Variants in GCN1 observed in about 807,000 individuals in gnomAD.
GCN1 encodes the protein stalled ribosome sensor GCN1.
A neutral mutation model predicts 288.4 loss-of-function variants in GCN1; 90 were observed. The ratio of observed to expected loss-of-function variants is 0.31; its 90% confidence interval spans 0.26 to 0.37. The LOEUF (loss-of-function observed/expected upper bound fraction) is 0.37. GCN1 is among the 10% of genes least tolerant of loss of function. The pLI, the probability that GCN1 is intolerant of heterozygous loss-of-function variation, is 1.00. For missense variants in GCN1, 2,586 were observed against 3,419.9 expected (o/e 0.76, Z 6.08); for synonymous variants, 1,386 against 1,420.2 (o/e 0.98, Z 0.54).
At chr12:120,166,931 C>A (rs1878149399) in intron 16 of GCN1, among the ~76,000 whole-genome samples, 1 of 151,762 alleles carries the variant, frequency 6.6e-6, no homozygotes, top group Non-Finnish European at 1.5e-5. Flanking sequence ...GGAGGACCAC[C>A]TGAGACCAGG....
At position 120,159,900 on chromosome 12, in the gene GCN1, G is replaced by C; in HGVS notation, c.2674C>G (p.Leu892Val). Residue 892 changes from leucine to valine, a missense_variant, in exon 24 of 58, where the codon CTG (leucine) becomes GTG (valine). Around this residue, in one of 8 missense-constraint regions of GCN1, gnomAD observed 913 missense variants for 1,107.0 expected, o/e 0.82. Transcript: ENST00000300648. ...DSFLPLLKSP[L>V]AAPRIKNPFL... ...GGGTTCTTGATCCTGGGAGCAGCCA[G>C]GGGAGACTTCAGCAAGGGCAGAAAA... is the stretch of plus-strand genomic sequence containing the variant. The C allele has an allele frequency of 6.2e-7, 1 of 1,614,140 alleles. No individual in the cohort carries two copies.
At chr12:120,169,017 C>G (rs1878223071) in intron 15 of GCN1, among the ~76,000 whole-genome samples, 1 of 151,996 alleles carries the variant, frequency 6.6e-6, no homozygotes, top group African/African-American at 2.4e-5. Flanking sequence ...AAAGCCTGGC[C>G]GGGCGCAGTG....
chr12:120,194,710 G>T lies in GCN1; in HGVS notation c.-13C>A. ...TGTCCGCCGCCATCCTGCCGGGGCT[G>T]ACTCCGGAACCGCTTCCGGAACGCT... On this transcript the variant is annotated 5_prime_UTR_variant, in exon 1 of 58. Coordinates refer to ENST00000300648, the MANE Select transcript of GCN1 (RefSeq NM_006836.2). The T allele has an allele frequency of 1.3e-6, 2 of 1,508,944 alleles. No homozygotes were observed. Among genetic ancestry groups the T allele is most frequent in the Non-Finnish European group, 1.8e-6 (2 of 1,135,710 alleles). The allele number at this position is 1,508,944 out of a possible 1,614,324, so 93.5% of individuals were successfully genotyped here.
rs747104432 is a variant in GCN1 at position 120,162,075 on chromosome 12, G to A, written c.2164-17C>T. The A allele has an allele frequency of 4.3e-6, 7 of 1,609,364 alleles. No individual in the cohort carries two copies. In the East Asian group the frequency reaches 6.7e-5, roughly 15 times the overall value. ...CATGGAGGACTGCCAGACAAACGCA[G>A]ACATGGTCAGTGTGTGCCAAGGCTG... On this transcript the variant is annotated splice_polypyrimidine_tract_variant and intron_variant, in intron 20 of 57. Transcript: ENST00000300648.
Position 120,161,508 on chromosome 12 carries a change from G to A in GCN1, c.2418C>T (p.Ile806=), listed in dbSNP as rs372829636. The A allele has an allele frequency of 5.9e-5, 95 of 1,612,680 alleles. No homozygotes were observed. Among genetic ancestry groups the A allele is most frequent in the Middle Eastern group, 1.6e-4 (1 of 6,080 alleles). Residue 806 remains isoleucine, a synonymous_variant, in exon 22 of 58, where the codon ATC becomes ATT. Coordinates refer to ENST00000300648, the MANE Select transcript of GCN1 (RefSeq NM_006836.2). ...NKAYSFKEQI[I]ELELKEEIKK... is the part of the protein sequence containing the mutation. ...TACTCACCTCCTTCAGCTCCAGCTC[G>A]ATGATCTGCTCTTTGAAGGAATAAG...
At chr12:120,174,902 G>A (rs1878430071) in intron 12 of GCN1, among the ~76,000 whole-genome samples, 1 of 151,612 alleles carries the variant, frequency 6.6e-6, no homozygotes, top group Non-Finnish European at 1.5e-5. Context: ...GAGGCGGGCA[G>A]ATCACTTGAC....
intron 33 of GCN1, among the ~76,000 whole-genome samples, chr12:120,152,888 A>C (rs1431447959): frequency 6.6e-6 from 1 of 152,008 alleles, no homozygotes; most frequent in Non-Finnish European, 1.5e-5. Context: ...GAATAGAAAA[A>C]ATGGAACTAT....
rs375349958 is a variant in GCN1, at chr12:120,178,904, T to C, written c.473A>G (p.His158Arg). 2 of 1,614,088 alleles carry C rather than the reference T, an allele frequency of 1.2e-6. No homozygotes were observed. ...LLLLEVLGGS[H>R]KHAVDGAVKK... Reference sequence around the variant, plus strand: ...CACAGCACCATCCACGGCGTGCTTGTGGGAGCCACCCAGCACCTCCAGCAA... The same window carrying C: ...CACAGCACCATCCACGGCGTGCTTGCGGGAGCCACCCAGCACCTCCAGCAA... The change falls in exon 6 of 58, where the codon CAC (histidine) becomes CGC (arginine). Residue 158 changes from histidine to arginine, a missense_variant. His to Arg is a conservative substitution (Grantham distance 29). Transcript: ENST00000300648.
intron 53 of GCN1, among the ~76,000 whole-genome samples, chr12:120,133,283 G>T (rs750456824): frequency 1.3e-5 from 2 of 152,148 alleles, no homozygotes; most frequent in Non-Finnish European, 2.9e-5. Context: ...GCCCTACAAA[G>T]TAAATTAGAC....
intron 8 of GCN1, 56 bp downstream of exon 8, chr12:120,177,628 C>T (rs1878522023): frequency 6.4e-7 from 1 of 1,552,548 alleles, no homozygotes; most frequent in Non-Finnish European, 8.9e-7. Flanking sequence ...GTTCAGCATC[C>T]CAGAATTGAA....
Position 120,176,237 on chromosome 12 carries a change from C to G in GCN1, c.839-20G>C. 6.6e-7 allele frequency: 1 copy of G among 1,520,236 alleles called. No homozygotes were observed. The allele number at this position is 1,520,236 out of a possible 1,614,324, so 94.2% of individuals were successfully genotyped here. A position where few individuals can be genotyped will look rare whatever the true frequency, so the allele number is the denominator to read the frequency against. On this transcript the variant is annotated intron_variant, in intron 9 of 57. Coordinates refer to ENST00000300648, the MANE Select transcript of GCN1 (RefSeq NM_006836.2). ...AAATAGCTAAGGGGGACAGAAAGCA[C>G]TGACCATGTCAGTCTAAGCAATAAA...
In GCN1 at chr12:120,164,508, G is replaced by A; in HGVS notation, c.1689-13C>T. 6.2e-7 allele frequency: 1 copy of A among 1,612,758 alleles called. No homozygotes were observed. Among genetic ancestry groups the A allele is most frequent in the Non-Finnish European group, 8.5e-7 (1 of 1,179,018 alleles). On this transcript the variant is annotated splice_polypyrimidine_tract_variant and intron_variant, in intron 17 of 57. Coordinates refer to ENST00000300648, the MANE Select transcript of GCN1 (RefSeq NM_006836.2). ...CCGGTGGTACTGCCTGCAAGCACAG[G>A]GACAGACAGGTCTGGGGGAAGGCCA...
chr12:120,181,605 C>T (rs766830767), intron 5 of GCN1, among the ~76,000 whole-genome samples: 16 of 150,044 alleles, frequency 1.1e-4, no homozygotes, highest in East Asian at 2.0e-4. Flanking sequence ...TTTGGGAGGC[C>T]GAGGCGGGCG....
intron 21 of GCN1, 71 bp from the exon 22 acceptor site, chr12:120,161,654 T>C: frequency 8.6e-7 from 1 of 1,165,560 alleles, no homozygotes; most frequent in Non-Finnish European, 1.3e-6. Flanking sequence ...CCGCCAGCCA[T>C]GCAATTCCAA....
chr12:120,153,714 G>A lies in GCN1; in HGVS notation c.3867+30C>T, dbSNP rs181219046. 5,231 of 1,606,070 alleles carry A rather than the reference G, an allele frequency of 3.3e-3. 11 individuals are homozygous for A. The highest frequency in any genetic ancestry group is 4.2e-3 in the Non-Finnish European group (4,942 of 1,174,358). ...CGGGCTGGGACCCCCTTACCTTCCC[G>A]TGGGTGTTCCCTGGCTGGGACCCCC... On this transcript the variant is annotated intron_variant, in intron 32 of 57. Coordinates refer to ENST00000300648, the MANE Select transcript of GCN1 (RefSeq NM_006836.2). This position sits in a 1 kb window ranked among gnomAD's most constrained non-coding sequence, Gnocchi z 4.4.
At chr12:120,163,935 C>T (rs564228932) in intron 18 of GCN1, among the ~76,000 whole-genome samples, 3 of 152,036 alleles carry the variant, frequency 2.0e-5, no homozygotes, top group Non-Finnish European at 4.4e-5. Context: ...TCAGCCTGGG[C>T]GACATGGCGA....
At chr12:120,154,745 A>T (rs1241832576) in intron 31 of GCN1, among the ~76,000 whole-genome samples, 1 of 152,230 alleles carries the variant, frequency 6.6e-6, no homozygotes, top group East Asian at 1.9e-4. Context: ...TGGACAGTAC[A>T]GCCTAGAGAG....
At position 120,134,286 on chromosome 12, in the gene GCN1, C is replaced by T. The variant is rs766549743; in HGVS notation, c.7317+5G>A. The stretch of plus-strand genomic sequence containing the variant: ...TGCTGCCACTAGTCCTGCCTGCAGC[C>T]GTACCTCATCGTGTCCCAGCATGCT... On this transcript the variant is annotated splice_donor_5th_base_variant and intron_variant, in intron 53 of 57. Transcript: ENST00000300648. This position sits in a 1 kb window ranked among gnomAD's most constrained non-coding sequence, Gnocchi z 5.0. The T allele has an allele frequency of 4.4e-6, 7 of 1,601,126 alleles. No individual in the cohort carries two copies. The highest frequency in any genetic ancestry group is 6.0e-6 in the Non-Finnish European group (7 of 1,168,616).
intron 38 of GCN1, 64 bp downstream of exon 38, chr12:120,146,988 A>T: frequency 2.1e-6 from 2 of 944,190 alleles, no homozygotes; most frequent in Non-Finnish European, 3.0e-6. Flanking sequence ...GGGACTCTGC[A>T]CCTCTGACTC....
Sources: gnomAD v4.1 joint callset for allele counts (sites outside exome capture counted in the v4.1 genomes callset) on GRCh38, gnomAD v4.1.1 for gene constraint, gnomAD v4.1.1 regional missense constraint, Gnocchi (gnomAD v3.1) non-coding constraint, MANE v1.5 for transcripts, NCBI Gene and HGNC (gene_info 2026-07-23, HGNC 2026-07-21) for gene names.